PRPSAP1: variants seen among roughly 807,000 people sequenced by gnomAD.
PRPSAP1 encodes the protein phosphoribosyl pyrophosphate synthase-associated protein 1.
Under a neutral mutation model 39.4 loss-of-function variants are expected in PRPSAP1, and 31 were observed. That is an observed-to-expected ratio of 0.79 (90% confidence interval 0.59 to 1.06). The LOEUF (loss-of-function observed/expected upper bound fraction) is 1.06. PRPSAP1 is among the 50% of genes least tolerant of loss of function. The pLI, the probability that PRPSAP1 is intolerant of heterozygous loss-of-function variation, is 0.00. For synonymous variants in PRPSAP1, 212 were observed against 192.6 expected, an observed-to-expected ratio of 1.10 and a Z score of -0.83; for missense variants, 430 against 511.6, an observed-to-expected ratio of 0.84 and a Z score of 1.54.
intron 2 of PRPSAP1, among the ~76,000 whole-genome samples, chr17:76,348,298 C>A (rs1409366691): frequency 1.3e-5 from 2 of 152,036 alleles, no homozygotes; most frequent in Middle Eastern, 3.4e-3. Flanking sequence ...CAGGGTGAAA[C>A]CCCATCTCTA....
At chr17:76,324,992 T>G (rs420018) in intron 7 of PRPSAP1, among the ~76,000 whole-genome samples, 4 of 149,396 alleles carry the variant, frequency 2.7e-5, no homozygotes, top group African/African-American at 7.4e-5. Flanking sequence ...GGTGTGAACC[T>G]GGGGGGTGGA....
chr17:76,353,570 G>T lies in PRPSAP1; in HGVS notation c.134C>A (p.Thr45Lys). ...TGYRVFSANS[T>K]AACTELAKRI... The stretch of plus-strand genomic sequence containing the variant: ...CTTGGCCAGCTCCGTGCAGGCGGCC[G>T]TGGAGTTGGCCGAGAAGACTCGGTA... Residue 45 changes from threonine to lysine, a missense_variant, in exon 1 of 10, where the codon ACG (threonine) becomes AAG (lysine). Transcript: ENST00000446526. 6.4e-7 allele frequency: 1 copy of T among 1,559,026 alleles called. No individual in the cohort carries two copies. Among genetic ancestry groups the T allele is most frequent in the African/African-American group, 1.4e-5 (1 of 71,170 alleles).
intron 1 of PRPSAP1, among the ~76,000 whole-genome samples, chr17:76,351,257 C>T (rs768785051): frequency 9.2e-5 from 14 of 151,708 alleles, no homozygotes; most frequent in Non-Finnish European, 8.8e-5. Flanking sequence ...TGGCTCACGC[C>T]TGTAATCCCA....
At chr17:76,333,152 C>T (rs2071343017) in intron 3 of PRPSAP1, among the ~76,000 whole-genome samples, 1 of 152,012 alleles carries the variant, frequency 6.6e-6, no homozygotes, top group African/African-American at 2.4e-5. Flanking sequence ...ACTCTGTCGC[C>T]CAGGCTGGAC....
At chr17:76,329,961 G>T in intron 6 of PRPSAP1, 82 bp downstream of exon 6, 1 of 1,370,064 alleles carries the variant, frequency 7.3e-7, no homozygotes. Flanking sequence ...GGCCACGAGT[G>T]ACAGCCTCTG....
chr17:76,335,425 A>T (rs768377776), intron 3 of PRPSAP1, among the ~76,000 whole-genome samples: 3 of 151,930 alleles, frequency 2.0e-5, no homozygotes, highest in Non-Finnish European at 4.4e-5. Flanking sequence ...GTGCGATCTC[A>T]GCTCACTGCA....
chr17:76,348,732 A>G (rs1452624573), intron 1 of PRPSAP1, 151 bp from the exon 2 acceptor site: 11 of 605,690 alleles, frequency 1.8e-5, no homozygotes, highest in Non-Finnish European at 3.0e-5. Context: ...CATTAAACTA[A>G]AATTCTGCTG....
chr17:76,340,428 A>T (rs552130147), intron 3 of PRPSAP1, among the ~76,000 whole-genome samples: 1 of 151,762 alleles, frequency 6.6e-6, no homozygotes, highest in Non-Finnish European at 1.5e-5. Flanking sequence ...TTTGTTTGTC[A>T]AGTTCAGTCT....
intron 4 of PRPSAP1, among the ~76,000 whole-genome samples, chr17:76,331,845 A>G (rs191875298): frequency 7.9e-5 from 12 of 152,300 alleles, no homozygotes; most frequent in Non-Finnish European, 2.9e-5. Context: ...ATGAGCCACT[A>G]TGTAGAAAGG....
intron 7 of PRPSAP1, among the ~76,000 whole-genome samples, chr17:76,324,801 C>G (rs2071234349): frequency 6.6e-6 from 1 of 151,698 alleles, no homozygotes; most frequent in Admixed American, 6.6e-5. Flanking sequence ...GTGGCTCACT[C>G]CTGTAATCCC....
chr17:76,341,797 G>T (rs2071442234), intron 3 of PRPSAP1, among the ~76,000 whole-genome samples: 3 of 152,090 alleles, frequency 2.0e-5, no homozygotes, highest in Admixed American at 2.0e-4. Context: ...AAATTAGCCG[G>T]GCGTGGTGGT....
At chr17:76,339,361 C>T (rs575249433) in intron 3 of PRPSAP1, among the ~76,000 whole-genome samples, 5 of 151,542 alleles carry the variant, frequency 3.3e-5, no homozygotes, top group South Asian at 2.1e-4. Flanking sequence ...GCCGAGATCA[C>T]GCCACTGCAC....
At chr17:76,342,753 G>A (rs1207377002) in intron 3 of PRPSAP1, among the ~76,000 whole-genome samples, 1 of 151,386 alleles carries the variant, frequency 6.6e-6, no homozygotes, top group African/African-American at 2.4e-5. Flanking sequence ...TCAAATAAAG[G>A]CCATGAGGAA....
chr17:76,332,613 G>A (rs1193527929), intron 3 of PRPSAP1, among the ~76,000 whole-genome samples, 178 bp from the exon 4 acceptor site: 2 of 152,166 alleles, frequency 1.3e-5, no homozygotes, highest in Non-Finnish European at 2.9e-5. Flanking sequence ...TTTTGTAGCT[G>A]AGTAAGCCCT....
At chr17:76,319,878 G>T (rs570829684) in intron 7 of PRPSAP1, among the ~76,000 whole-genome samples, 1 of 152,206 alleles carries the variant, frequency 6.6e-6, no homozygotes, top group Non-Finnish European at 1.5e-5. Flanking sequence ...TAGCACAAAA[G>T]TAAGGGAGTC....
intron 7 of PRPSAP1, chr17:76,314,231 T>TGTATGTATGTA: frequency 1.4e-4 from 39 of 271,702 alleles, no homozygotes; most frequent in East Asian, 3.9e-4. Flanking sequence ...TATGTATGTA[T>TGTATGTATGTA]TTTTTGAGAC....
rs2071333576 is a variant in PRPSAP1, at chr17:76,332,497, T to G, written c.291-62A>C. Reference sequence around the variant, plus strand: ...CATGTATCAACCCTAGAAAAGATCTTGACTTTATCAACTTAACATGGGCTG... The same window carrying G: ...CATGTATCAACCCTAGAAAAGATCTGGACTTTATCAACTTAACATGGGCTG... On this transcript the variant is annotated intron_variant, in intron 3 of 9. Transcript: ENST00000446526. 34 of 1,578,332 alleles carry G rather than the reference T, an allele frequency of 2.2e-5. No individual in the cohort carries two copies. The South Asian group carries it at 3.9e-4, about 18-fold the overall frequency.
At chr17:76,348,628 TA>T in intron 1 of PRPSAP1, 47 bp from the exon 2 acceptor site, 1 of 1,456,882 alleles carries the variant, frequency 6.9e-7, no homozygotes, top group Non-Finnish European at 9.1e-7. Context: ...TTACTCTTTT[TA>T]AAAAAATTCC....
At position 76,333,963 on chromosome 17, in the gene PRPSAP1, A is replaced by T. The variant is rs530657849; in HGVS notation, c.291-1528T>A. On this transcript the variant is annotated intron_variant, in intron 3 of 9. Coordinates refer to ENST00000446526, the MANE Select transcript of PRPSAP1 (RefSeq NM_002766.3). ...GAGTGCAGTGGTACAATCTTAGCTCACTGCAGCCTCGAACTCCCGGGCTCA... is the reference window on the plus strand; with the variant it reads ...GAGTGCAGTGGTACAATCTTAGCTCTCTGCAGCCTCGAACTCCCGGGCTCA... Among the ~76,000 whole-genome samples the T allele has an allele frequency of 9.9e-5, 15 of 152,260 alleles. No homozygotes were observed. In the East Asian group the frequency reaches 2.9e-3, roughly 29 times the overall value.
Sources: gnomAD v4.1 joint callset for allele counts (sites outside exome capture counted in the v4.1 genomes callset) on GRCh38, gnomAD v4.1.1 for gene constraint, MANE v1.5 for transcripts, NCBI Gene and HGNC (gene_info 2026-07-23, HGNC 2026-07-21) for gene names.